CERS4: variants seen among roughly 807,000 people sequenced by gnomAD.
The protein encoded by CERS4 is ceramide synthase 4, also known as LAG1 homolog, ceramide synthase 4.
In CERS4, 65 loss-of-function variants were observed where a neutral mutation model predicts 51.8. The observed-to-expected ratio is 1.26, with a 90% CI of 1.03 to 1.54. The LOEUF is 1.54. Ranked by LOEUF, CERS4 falls within the 40% of genes most tolerant of loss-of-function variation. The pLI, the probability that CERS4 is intolerant of heterozygous loss-of-function variation, is 0.00. For synonymous variants in CERS4, 228 were observed against 208.4 expected (o/e 1.09, Z -0.81); for missense variants, 563 against 500.4 (o/e 1.13, Z -1.19).
intron 10 of CERS4, among the ~76,000 whole-genome samples, chr19:8,259,481 T>C (rs183693561): frequency 2.0e-5 from 3 of 151,862 alleles, no homozygotes; most frequent in East Asian, 3.9e-4. Flanking sequence ...ATGGGAGCCA[T>C]GGAGGTTATA....
At chr19:8,260,369 ATTTTTT>A (rs57861384) in intron 10 of CERS4, among the ~76,000 whole-genome samples, 3 of 139,080 alleles carry the variant, frequency 2.2e-5, no homozygotes, top group South Asian at 2.3e-4. Context: ...TAATTTTTGT[ATTTTTT>A]TTTTTTTTTT....
At chr19:8,258,469 G>A (rs1371898897) in intron 10 of CERS4, among the ~76,000 whole-genome samples, 3 of 152,164 alleles carry the variant, frequency 2.0e-5, no homozygotes, top group African/African-American at 4.8e-5. Flanking sequence ...AGCACTTTGG[G>A]AGGCTGAGGC....
chr19:8,239,355 C>T (rs62126441), intron 2 of CERS4: 4,925 of 148,026 alleles, frequency 0.033, 109 homozygotes, highest in South Asian at 0.056. Context: ...GCCGAGATCG[C>T]GCCACTGTAC....
At chr19:8,254,637 C>G in intron 4 of CERS4, 21 bp downstream of exon 4, 2 of 1,581,114 alleles carry the variant, frequency 1.3e-6, no homozygotes, top group Non-Finnish European at 1.7e-6. Flanking sequence ...CCCATGCCCT[C>G]CGACCCGCAC....
chr19:8,236,545 GGC>G (rs904674069), intron 2 of CERS4, among the ~76,000 whole-genome samples: 6 of 151,674 alleles, frequency 4.0e-5, no homozygotes, highest in Non-Finnish European at 5.9e-5. Context: ...TGGGTGTGGT[GGC>G]ACCCGCCTGT....
chr19:8,253,518 G>T (rs1969204627), intron 3 of CERS4, among the ~76,000 whole-genome samples: 1 of 146,126 alleles, frequency 6.8e-6, no homozygotes, highest in Non-Finnish European at 1.5e-5. Flanking sequence ...TGAGTGCAGT[G>T]GTGCGATCTC....
chr19:8,233,972 A>G (rs946961413), intron 2 of CERS4, among the ~76,000 whole-genome samples: 7 of 150,350 alleles, frequency 4.7e-5, no homozygotes, highest in African/African-American at 1.7e-4. Flanking sequence ...GTTAGATAGC[A>G]CCACTGCACT....
intron 2 of CERS4, chr19:8,250,675 T>C: frequency 4.1e-6 from 1 of 244,096 alleles, no homozygotes; most frequent in Non-Finnish European, 6.6e-6. Flanking sequence ...CAGGCTGCTC[T>C]TGAACTCCTG....
chr19:8,255,064 C>G (rs1213315256), intron 4 of CERS4, among the ~76,000 whole-genome samples: 1 of 152,170 alleles, frequency 6.6e-6, no homozygotes, highest in Non-Finnish European at 1.5e-5. Context: ...CCCTGTGACC[C>G]TCCCTCCATT....
intron 2 of CERS4, among the ~76,000 whole-genome samples, chr19:8,223,570 G>A (rs1967650203): frequency 6.6e-6 from 1 of 152,140 alleles, no homozygotes; most frequent in Non-Finnish European, 1.5e-5. Flanking sequence ...AGGGAGCTAA[G>A]ATTGCACCAT....
Position 8,261,690 on chromosome 19 carries a change from T to C in CERS4, c.851T>C (p.Ile284Thr). Residue 284 changes from isoleucine (I) to threonine (T), a missense_variant and splice_region_variant, in exon 11 of 12, where the codon ATC becomes ACC. Physicochemically the swap from Ile to Thr is moderately conservative, Grantham distance 89 (BLOSUM62 -1). Coordinates refer to ENST00000251363, the MANE Select transcript of CERS4 (RefSeq NM_024552.3). ...TCCTCCTCTCCCCCTGGCTGTAGGA[T>C]CCTCTACACCACATACTACGAGTCC... The part of the protein sequence containing the change: ...YTRLVLFPTQ[I>T]LYTTYYESIS... The C allele has an allele frequency of 6.2e-7, 1 of 1,613,902 alleles. No individual in the cohort carries two copies. Among genetic ancestry groups the C allele is most frequent in the East Asian group, 2.2e-5 (1 of 44,876 alleles).
intron 2 of CERS4, among the ~76,000 whole-genome samples, chr19:8,217,640 C>T (rs1458982327): frequency 6.7e-6 from 1 of 150,360 alleles, no homozygotes; most frequent in Non-Finnish European, 1.5e-5. Context: ...GGGTTCATGT[C>T]ATTCTCCTGC....
At chr19:8,212,770 C>T (rs1967132267) in intron 2 of CERS4, among the ~76,000 whole-genome samples, 1 of 150,936 alleles carries the variant, frequency 6.6e-6, no homozygotes, top group Non-Finnish European at 1.5e-5. Context: ...TCCTGAGTAG[C>T]TGGGATTACA....
intron 2 of CERS4, among the ~76,000 whole-genome samples, chr19:8,250,132 G>A (rs1415749028): frequency 2.6e-5 from 4 of 151,834 alleles, no homozygotes; most frequent in South Asian, 2.1e-4. Flanking sequence ...CTGCCACCAC[G>A]CCCGGCTAAT....
chr19:8,227,819 G>A (rs575156598), intron 2 of CERS4, among the ~76,000 whole-genome samples: 1 of 152,268 alleles, frequency 6.6e-6, no homozygotes, highest in African/African-American at 2.4e-5. Context: ...TGCCAAAGGA[G>A]AGGGAACAGG....
intron 2 of CERS4, chr19:8,214,607 AC>A (rs771458978): frequency 6.6e-6 from 1 of 152,368 alleles, no homozygotes; most frequent in East Asian, 1.9e-4. Context: ...ACCACAGCAT[AC>A]CCTGGAGAGT....
At chr19:8,228,607 G>A (rs530668108) in intron 2 of CERS4, among the ~76,000 whole-genome samples, 26 of 152,072 alleles carry the variant, frequency 1.7e-4, no homozygotes, top group Non-Finnish European at 2.4e-4. Flanking sequence ...CCTGGGAGGC[G>A]GAGGTTGCAG....
At chr19:8,231,560 C>G (rs1968002505) in intron 2 of CERS4, among the ~76,000 whole-genome samples, 1 of 151,560 alleles carries the variant, frequency 6.6e-6, no homozygotes, top group Non-Finnish European at 1.5e-5. Context: ...TTTTCTTTTT[C>G]TTTTTTGAGA....
chr19:8,249,587 ATTTTT>A (rs869119452), intron 2 of CERS4, among the ~76,000 whole-genome samples: 44 of 91,356 alleles, frequency 4.8e-4, no homozygotes, highest in South Asian at 1.9e-3. Flanking sequence ...GGAACTCTGG[ATTTTT>A]TTTTTTTTTT....
Sources: allele counts gnomAD v4.1 joint callset (sites outside exome capture counted in the v4.1 genomes callset), GRCh38; gene constraint gnomAD v4.1.1; transcripts MANE v1.5; gene names NCBI Gene and HGNC (gene_info 2026-07-23, HGNC 2026-07-21).